The following ARFGEF2 variants were observed in gnomAD, a reference collection of about 807,000 sequenced individuals.
ARFGEF2 encodes brefeldin A-inhibited guanine nucleotide-exchange protein 2.
ARFGEF2 carries 74 observed loss-of-function variants against 219.9 expected under a neutral mutation model. That is an observed-to-expected ratio of 0.34 (90% CI 0.28 to 0.41). The LOEUF (loss-of-function observed/expected upper bound fraction) is 0.41. Among genes scored for constraint, ARFGEF2 ranks in the 10% least tolerant of loss-of-function variants. The probability of loss-of-function intolerance (pLI) is 1.00; values close to 1 mark genes in which losing one functional copy is unlikely to be tolerated. For missense variants in ARFGEF2, 1,743 were observed against 2,218.3 expected (o/e 0.79, Z 4.30); for synonymous variants, 733 against 799.2 (o/e 0.92, Z 1.40).
intron 3 of ARFGEF2, among the ~76,000 whole-genome samples, chr20:48,942,727 G>A (rs6012568): frequency 0.47 from 70,739 of 151,588 alleles, 18,101 homozygotes; most frequent in African/African-American, 0.67. Context: ...TCTTAATGGC[G>A]TTAAAATTCA....
At chr20:48,929,648 C>T (rs1211993949) in intron 1 of ARFGEF2, among the ~76,000 whole-genome samples, 2 of 152,178 alleles carry the variant, frequency 1.3e-5, no homozygotes, top group Non-Finnish European at 2.9e-5. Flanking sequence ...GGAAGTCTCA[C>T]TCATTCATTG....
In ARFGEF2 at chr20:49,011,994, G is replaced by A. The variant is rs780796793; in HGVS notation, c.3828G>A (p.Glu1276=). ...SFQDAVKCLS[E]FACNAAFPDT... ...AGGATGCTGTGAAGTGCTTATCAGAGTTCGCCTGCAACGCCGCTTTCCCTG... is the reference window on the plus strand; with the variant it reads ...AGGATGCTGTGAAGTGCTTATCAGAATTCGCCTGCAACGCCGCTTTCCCTG... Residue 1276 remains glutamate, a synonymous_variant, in exon 28 of 39, where the codon GAG becomes GAA. Coordinates refer to ENST00000371917, the MANE Select transcript of ARFGEF2 (RefSeq NM_006420.3). 8.7e-6 allele frequency: 14 copies of A among 1,614,212 alleles called. No individual in the cohort carries two copies. Among genetic ancestry groups the A allele is most frequent in the Non-Finnish European group, 1.1e-5 (13 of 1,180,040 alleles).
Position 48,994,511 on chromosome 20 carries a change from C to G in ARFGEF2, c.3034C>G (p.Arg1012Gly). Residue 1012 changes from arginine (R) to glycine (G), a missense_variant, in exon 22 of 39, where the codon CGC becomes GGC. This residue lies in a region of ARFGEF2 where 666 missense variants were observed against 955.4 expected (regional missense o/e 0.70). Transcript: ENST00000371917. ...AQLIGTGVKT[R>G]YLSGSGRERE... ...GCTGATAGGAACCGGTGTGAAGACG[C>G]GCTACCTGTCTGGATCTGGGCGTGA... 1 of 1,614,116 alleles carries G rather than the reference C, an allele frequency of 6.2e-7. No homozygotes were observed. Among genetic ancestry groups the G allele is most frequent in the Non-Finnish European group, 8.5e-7 (1 of 1,180,026 alleles).
At chr20:48,927,427 G>A (rs868695849) in intron 1 of ARFGEF2, among the ~76,000 whole-genome samples, 7 of 152,168 alleles carry the variant, frequency 4.6e-5, no homozygotes, top group Non-Finnish European at 2.9e-5. Context: ...GGTGGCTCAC[G>A]CCTGTAATCT....
chr20:48,978,937 C>T (rs2091278776), intron 14 of ARFGEF2, among the ~76,000 whole-genome samples: 2 of 152,174 alleles, frequency 1.3e-5, no homozygotes, highest in Non-Finnish European at 1.5e-5. Context: ...AATTTGACTT[C>T]CTCTTTTCCT....
In ARFGEF2 at chr20:48,982,542, G is replaced by A. The variant is rs543897872; in HGVS notation, c.1959-2187G>A. 6.2e-4 allele frequency among the ~76,000 whole-genome samples: 95 copies of A among 152,308 alleles called. 1 individual carries two copies. In the South Asian group the frequency reaches 0.013, roughly 20 times the overall value. ...CCACTGCTGAGAGCTGTCAGACAGG[G>A]ATGTTTAAGTCTGCAGAAGTTTCTG... On this transcript the variant is annotated intron_variant, in intron 14 of 38. Transcript: ENST00000371917.
rs983146433 is a variant in ARFGEF2 at position 48,989,781 on chromosome 20, A to G, written c.2814+97A>G. ...ATTATCAGAAATTTTCAGTTAATCA[A>G]GACTCTTAGCAAGCTACTTACTTAT... On this transcript the variant is annotated intron_variant, in intron 20 of 38. Transcript: ENST00000371917. 8.3e-6 allele frequency: 13 copies of G among 1,567,804 alleles called. No individual in the cohort carries two copies. In the Admixed American group the frequency reaches 1.0e-4, roughly 12 times the overall value.
At chr20:48,956,435 G>A (rs1018464807) in intron 6 of ARFGEF2, among the ~76,000 whole-genome samples, 1 of 152,182 alleles carries the variant, frequency 6.6e-6, no homozygotes, top group South Asian at 2.1e-4. Flanking sequence ...CAAGGCAGGC[G>A]GGCCACTTGA....
Position 48,930,933 on chromosome 20 carries a change from A to C in ARFGEF2, c.121+8923A>C, listed in dbSNP as rs530099793. The stretch of plus-strand genomic sequence containing the variant: ...CAGAGATGGGTAAGAAGCGGAGGAA[A>C]GATGAGGAAAATATGTGGTTATGAA... On this transcript the variant is annotated intron_variant, in intron 1 of 38. Transcript: ENST00000371917. Among the ~76,000 whole-genome samples, 14 of 152,350 alleles carry C rather than the reference A, an allele frequency of 9.2e-5. No individual in the cohort carries two copies. In the South Asian group the frequency reaches 2.9e-3, roughly 32 times the overall value.
At chr20:48,935,578 C>T (rs2090943164) in intron 1 of ARFGEF2, among the ~76,000 whole-genome samples, 1 of 152,280 alleles carries the variant, frequency 6.6e-6, no homozygotes, top group South Asian at 2.1e-4. Flanking sequence ...CCGCCACTGT[C>T]ATCATGGCCC....
rs566544552 is a variant in ARFGEF2, at chr20:49,005,886, C to G, written c.3584+665C>G. Among the ~76,000 whole-genome samples, 209 of 152,118 alleles carry G rather than the reference C, an allele frequency of 1.4e-3. 2 individuals carry two copies. Among genetic ancestry groups the G allele is most frequent in the African/African-American group, 4.7e-3 (196 of 41,502 alleles). On this transcript the variant is annotated intron_variant, in intron 26 of 38. Coordinates refer to ENST00000371917, the MANE Select transcript of ARFGEF2 (RefSeq NM_006420.3). ...CCCATCACTTCTCCCCCAGGGAGGT[C>G]ATAAAAGAGGTCAGGATACCGGGCC... is the stretch of plus-strand genomic sequence containing the variant.
chr20:49,010,266 A>G lies in ARFGEF2; in HGVS notation c.3619A>G (p.Ile1207Val). Residue 1207 changes from isoleucine (I) to valine (V), a missense_variant, in exon 27 of 39, where the codon ATT becomes GTT. This residue lies in a region of ARFGEF2 where 102 missense variants were observed against 146.8 expected (regional missense o/e 0.69). Transcript: ENST00000371917. Reference protein sequence around the residue: ...PTIRDMAIRCIAQMVNSQAAN... With the variant: ...PTIRDMAIRCVAQMVNSQAAN... ...CATCCGGGACATGGCGATCCGCTGC[A>G]TTGCCCAGATGGTGAACTCCCAGGC... is the stretch of plus-strand genomic sequence containing the variant. 5.6e-6 allele frequency: 9 copies of G among 1,614,220 alleles called. No individual in the cohort carries two copies. The highest frequency in any genetic ancestry group is 7.6e-6 in the Non-Finnish European group (9 of 1,180,044).
chr20:48,945,592 A>G (rs1170678995), intron 3 of ARFGEF2, among the ~76,000 whole-genome samples: 1 of 152,184 alleles, frequency 6.6e-6, no homozygotes, highest in Non-Finnish European at 1.5e-5. Flanking sequence ...GGCTGGGTGC[A>G]GTGGCTCACG....
chr20:48,938,196 C>T (rs1301024679), intron 1 of ARFGEF2, among the ~76,000 whole-genome samples: 1 of 152,120 alleles, frequency 6.6e-6, no homozygotes, highest in Non-Finnish European at 1.5e-5. Context: ...TCCTCTGGCT[C>T]CTTAGTTCTT....
In ARFGEF2 at chr20:48,975,812, A is replaced by AAAAAAAAAAAAAAG. The variant is rs60200187; in HGVS notation, c.1775-204_1775-203insAAAAAAAAAAAAAG. Among the ~76,000 whole-genome samples, 12 of 151,806 alleles carry AAAAAAAAAAAAAAG rather than the reference A, an allele frequency of 7.9e-5. 1 individual carries two copies. Among genetic ancestry groups the AAAAAAAAAAAAAAG allele is most frequent in the African/African-American group, 2.9e-4 (12 of 41,310 alleles). On this transcript the variant is annotated intron_variant, in intron 13 of 38. Transcript: ENST00000371917. ...CGAGACTCCATCTCAAAAAAAAAAA[A>AAAAAAAAAAAAAAG]GAATTAGCTCATCAAGTTTCATGAG... is the stretch of plus-strand genomic sequence containing the variant.
intron 27 of ARFGEF2, among the ~76,000 whole-genome samples, chr20:49,011,194 A>G (rs534342043): frequency 6.6e-6 from 1 of 152,328 alleles, no homozygotes; most frequent in South Asian, 2.1e-4. Context: ...TATGTATTAA[A>G]TAAGGTGTCT....
intron 14 of ARFGEF2, among the ~76,000 whole-genome samples, chr20:48,977,686 G>A (rs1295109122): frequency 3.9e-5 from 6 of 152,176 alleles, no homozygotes; most frequent in African/African-American, 1.4e-4. Context: ...GTGTGAGATG[G>A]TATCGCATTG....
intron 1 of ARFGEF2, among the ~76,000 whole-genome samples, chr20:48,924,808 C>G (rs2090866565): frequency 6.6e-6 from 1 of 152,160 alleles, no homozygotes; most frequent in East Asian, 1.9e-4. Flanking sequence ...TTCAAACCTC[C>G]TGCCTTCCAC....
intron 23 of ARFGEF2, among the ~76,000 whole-genome samples, chr20:48,996,740 C>CT (rs1463497675): frequency 1.8e-5 from 2 of 109,612 alleles, no homozygotes; most frequent in African/African-American, 7.1e-5. Flanking sequence ...GAGACTCCGT[C>CT]TAAAAAAAAA....
Sources: allele counts gnomAD v4.1 joint callset (sites outside exome capture counted in the v4.1 genomes callset), GRCh38; gene constraint gnomAD v4.1.1; regional missense constraint gnomAD v4.1.1; transcripts MANE v1.5; gene names NCBI Gene and HGNC (gene_info 2026-07-23, HGNC 2026-07-21).